LRCH3: variants seen among roughly 807,000 people sequenced by gnomAD.
LRCH3 encodes the protein DISP complex protein LRCH3.
In LRCH3, 68 loss-of-function variants were observed where a neutral mutation model predicts 104.5. That is an observed-to-expected ratio of 0.65 (90% CI 0.54 to 0.80). The LOEUF is 0.80. Ranked by LOEUF, LRCH3 falls within the 30% of genes least tolerant of loss-of-function variation. LRCH3 has a pLI of 0.00. For missense variants in LRCH3, 951 were observed against 953.9 expected, an observed-to-expected ratio of 1.00 and a Z score of 0.04; for synonymous variants, 344 against 361.3, an observed-to-expected ratio of 0.95 and a Z score of 0.54.
chr3:197,861,368 A>G (rs955760687), intron 15 of LRCH3, among the ~76,000 whole-genome samples: 1 of 152,110 alleles, frequency 6.6e-6, no homozygotes, highest in Non-Finnish European at 1.5e-5. Flanking sequence ...ACCATTCTAG[A>G]TGTATGGGAG....
chr3:197,802,650 T>G (rs556525039), intron 1 of LRCH3, among the ~76,000 whole-genome samples: 1 of 152,304 alleles, frequency 6.6e-6, no homozygotes, highest in South Asian at 2.1e-4. Flanking sequence ...GGTGAGAGAC[T>G]TACTGATTCA....
chr3:197,801,688 T>C (rs1486090450), intron 1 of LRCH3, among the ~76,000 whole-genome samples: 1 of 152,196 alleles, frequency 6.6e-6, no homozygotes, highest in East Asian at 1.9e-4. Context: ...TTCTACTAGA[T>C]TGGCAGCTTC....
chr3:197,847,918 T>A lies in LRCH3; in HGVS notation c.1427T>A (p.Val476Glu), dbSNP rs146937819. 5.9e-5 allele frequency: 96 copies of A among 1,614,086 alleles called. No homozygotes were observed. The highest frequency in any genetic ancestry group is 1.9e-5 in the Non-Finnish European group (22 of 1,179,980). The change falls in exon 12 of 21, where the codon GTA (valine) becomes GAA (glutamate). Residue 476 changes from valine (V) to glutamate (E), a missense_variant. By Grantham distance (121) the Val-to-Glu change is moderately radical. Transcript: ENST00000425562. ...LELHQRREQL[V>E]ERTRREAQLA... The stretch of plus-strand genomic sequence containing the variant: ...CTTCATCAGAGAAGGGAGCAGTTAG[T>A]AGAGCGCACTCGGAGAGAGGCTCAG...
At chr3:197,877,481 G>A (rs1299198848) in intron 20 of LRCH3, among the ~76,000 whole-genome samples, 12 of 104,266 alleles carry the variant, frequency 1.2e-4, no homozygotes, top group Non-Finnish European at 1.8e-4. Context: ...CCAACTCACC[G>A]CACCCATGGC....
chr3:197,856,180 T>C lies in LRCH3; in HGVS notation c.1644+1735T>C, dbSNP rs1740223646. Among the ~76,000 whole-genome samples, 1 of 152,214 alleles carries C rather than the reference T, an allele frequency of 6.6e-6. No homozygotes were observed. The highest frequency in any genetic ancestry group is 2.4e-5 in the African/African-American group (1 of 41,452). ...AATTCCTACTCACCTATCAGGTATT[T>C]GTTTAAATGTTCCATCTTTAACATG... On this transcript the variant is annotated intron_variant, in intron 14 of 20. Coordinates refer to ENST00000425562, the MANE Select transcript of LRCH3 (RefSeq NM_001365715.1). This position sits in a 1 kb window ranked among gnomAD's most constrained non-coding sequence, Gnocchi z 4.2.
chr3:197,829,988 A>G (rs776597881), intron 6 of LRCH3, among the ~76,000 whole-genome samples: 12 of 152,174 alleles, frequency 7.9e-5, no homozygotes, highest in Non-Finnish European at 1.6e-4. Context: ...TACCCTCGCA[A>G]AGTCTCCAAA....
chr3:197,806,776 T>A (rs2109139550), intron 1 of LRCH3, among the ~76,000 whole-genome samples: 1 of 149,062 alleles, frequency 6.7e-6, no homozygotes, highest in South Asian at 2.2e-4. Context: ...GCCCTTGAAC[T>A]CCTGACCTCA....
intron 6 of LRCH3, 140 bp downstream of exon 6, chr3:197,829,813 A>G (rs1190884539): frequency 1.6e-6 from 1 of 635,196 alleles, no homozygotes; most frequent in African/African-American, 1.8e-5. Context: ...CTTGTATTGT[A>G]AAGTTGATTA....
At chr3:197,866,858 G>T (rs75179640) in intron 17 of LRCH3, among the ~76,000 whole-genome samples, 221 of 151,604 alleles carry the variant, frequency 1.5e-3, no homozygotes, top group African/African-American at 5.1e-3. Flanking sequence ...ACAAAAATAA[G>T]GTCAGGCGTG....
intron 19 of LRCH3, chr3:197,871,668 G>A: frequency 1.8e-6 from 1 of 565,246 alleles, no homozygotes; most frequent in African/African-American, 1.9e-5. Flanking sequence ...AGAAAGGCAT[G>A]TACAGTGTGT....
rs138451342 is a variant in LRCH3 at position 197,838,138 on chromosome 3, A to C, written c.1252-1183A>C. Among the ~76,000 whole-genome samples the C allele has an allele frequency of 4.8e-3, 730 of 151,986 alleles. 9 individuals are homozygous for C. Among genetic ancestry groups the C allele is most frequent in the African/African-American group, 0.017 (708 of 41,446 alleles). On this transcript the variant is annotated intron_variant, in intron 9 of 20. Transcript: ENST00000425562. ...TTGTGTTTATTGTTTAAAGTGGTGTAGCTTGGCCTGGTGGCTCCTTCCTGT... is the reference window on the plus strand; with the variant it reads ...TTGTGTTTATTGTTTAAAGTGGTGTCGCTTGGCCTGGTGGCTCCTTCCTGT...
intron 9 of LRCH3, among the ~76,000 whole-genome samples, chr3:197,838,799 T>C (rs956231924): frequency 5.3e-5 from 8 of 152,240 alleles, no homozygotes; most frequent in Non-Finnish European, 1.5e-5. Context: ...AATTACTTTT[T>C]GTTTTGTCTT....
intron 5 of LRCH3, 24 bp from the exon 6 acceptor site, chr3:197,829,540 C>G: frequency 6.7e-7 from 1 of 1,496,826 alleles, no homozygotes; most frequent in Non-Finnish European, 9.2e-7. Context: ...AATAATTTGG[C>G]TACATCTGTG....
intron 5 of LRCH3, among the ~76,000 whole-genome samples, chr3:197,828,703 C>CA (rs1735535418): frequency 8.9e-6 from 1 of 112,828 alleles, no homozygotes; most frequent in Non-Finnish European, 1.8e-5. Context: ...ATATGTTACT[C>CA]TTTTTTTTTT....
intron 15 of LRCH3, chr3:197,859,302 A>G (rs1740618579): frequency 5.0e-6 from 1 of 198,836 alleles, no homozygotes; most frequent in Admixed American, 5.4e-5. Context: ...TCAACCAACT[A>G]TGGCCCCTAG....
intron 16 of LRCH3, 96 bp downstream of exon 16, chr3:197,865,567 T>A: frequency 1.3e-6 from 1 of 782,780 alleles, no homozygotes; most frequent in Non-Finnish European, 1.9e-6. Context: ...GGCCTTTCTG[T>A]GTTGACCAGG....
At position 197,827,934 on chromosome 3, in the gene LRCH3, G is replaced by A. The variant is rs183769017; in HGVS notation, c.777+920G>A. Among the ~76,000 whole-genome samples, 1,125 of 151,890 alleles carry A rather than the reference G, an allele frequency of 7.4e-3. 5 individuals are homozygous for A. Among genetic ancestry groups the A allele is most frequent in the Non-Finnish European group, 0.011 (774 of 67,948 alleles). ...TCTACTAAAAATACAAAAATTAGCCGGGTGCGGTGGTGGGCGCCTGTAGTC... is the reference window on the plus strand; with the variant it reads ...TCTACTAAAAATACAAAAATTAGCCAGGTGCGGTGGTGGGCGCCTGTAGTC... On this transcript the variant is annotated intron_variant, in intron 5 of 20. Transcript: ENST00000425562.
At chr3:197,802,355 C>G (rs1731995304) in intron 1 of LRCH3, among the ~76,000 whole-genome samples, 1 of 152,080 alleles carries the variant, frequency 6.6e-6, no homozygotes, top group Non-Finnish European at 1.5e-5. Context: ...TTTGTTGGCT[C>G]ACAATTTTGG....
chr3:197,850,831 G>A (rs1291490906), intron 12 of LRCH3: 16 of 1,075,060 alleles, frequency 1.5e-5, no homozygotes, highest in Middle Eastern at 2.8e-4. Context: ...GTGGCTTTTC[G>A]TATATGCATA....
Sources: gnomAD v4.1 joint callset for allele counts (sites outside exome capture counted in the v4.1 genomes callset) on GRCh38, gnomAD v4.1.1 for gene constraint, Gnocchi (gnomAD v3.1) non-coding constraint, MANE v1.5 for transcripts, NCBI Gene and HGNC (gene_info 2026-07-23, HGNC 2026-07-21) for gene names.